Variants in UPK3B observed in about 807,000 individuals in gnomAD.
UPK3B encodes the protein uroplakin 3B.
In UPK3B, 21 loss-of-function variants were observed where a neutral mutation model predicts 27.6. That is an observed-to-expected ratio of 0.76 (90% CI 0.54 to 1.10). The LOEUF (loss-of-function observed/expected upper bound fraction) is 1.10. Among genes scored for constraint, UPK3B ranks in the 50% least tolerant of loss-of-function variants. UPK3B has a pLI of 0.00. For synonymous variants in UPK3B, 141 were observed against 162.3 expected, an observed-to-expected ratio of 0.87 and a Z score of 1.00; for missense variants, 306 against 376.1, an observed-to-expected ratio of 0.81 and a Z score of 1.54.
chr7:76,511,773 G>A lies in UPK3B; in HGVS notation c.352G>A (p.Asp118Asn), dbSNP rs567753113. 1.4e-5 allele frequency: 23 copies of A among 1,603,634 alleles called. No individual in the cohort carries two copies. The highest frequency in any genetic ancestry group is 2.0e-4 in the Middle Eastern group (1 of 4,946). ...PLSPDQLPCG[D>N]PMAGSGGAPV... ...GTCTCCGGACCAGCTGCCCTGTGGC[G>A]ACCCCATGGCGGGCAGCGGAGGCGC... The change falls in exon 3 of 6, where the codon GAC (aspartate) becomes AAC (asparagine). Residue 118 changes from aspartate (D) to asparagine (N), a missense_variant. Physicochemically the swap from Asp to Asn is conservative, Grantham distance 23. Transcript: ENST00000334348.
Position 76,510,758 on chromosome 7 carries a change from G to C in UPK3B, c.85+21G>C, listed in dbSNP as rs1481463633. 3 of 1,547,126 alleles carry C rather than the reference G, an allele frequency of 1.9e-6. No homozygotes were observed. The Admixed American group carries it at 5.7e-5, about 30-fold the overall frequency. On this transcript the variant is annotated intron_variant, in intron 1 of 5. Coordinates refer to ENST00000334348, the MANE Select transcript of UPK3B (RefSeq NM_001347684.2). ...CCTGGGTGAGTGGGGGTCCTGGATGGACGCGTCCAGCCAGACCCAAGGGGC... is the reference window on the plus strand; with the variant it reads ...CCTGGGTGAGTGGGGGTCCTGGATGCACGCGTCCAGCCAGACCCAAGGGGC...
At chr7:76,511,423 G>C in intron 2 of UPK3B, 1 of 931,150 alleles carries the variant, frequency 1.1e-6, no homozygotes, top group Non-Finnish European at 1.6e-6. Flanking sequence ...GGGCTGGGCA[G>C]GTTGGGACTG....
In UPK3B at chr7:76,516,433, G is replaced by T; in HGVS notation, c.*1229G>T. ...ACCTTCTAATGTGACCACGGCTCCC[G>T]GCATGCAGGCCCTGCCAGCGGAGGG... On this transcript the variant is annotated 3_prime_UTR_variant, in exon 6 of 6. Transcript: ENST00000334348. 2 of 612,180 alleles carry T rather than the reference G, an allele frequency of 3.3e-6. 1 individual carries two copies. Among genetic ancestry groups the T allele is most frequent in the Admixed American group, 2.0e-4 (2 of 9,994 alleles). 37.9% of individuals were successfully genotyped at this position (612,180 alleles called of 1,614,324 possible). A position where few individuals can be genotyped will look rare whatever the true frequency, so the allele number is the denominator to read the frequency against.
At position 76,511,827 on chromosome 7, in the gene UPK3B, G is replaced by A. The variant is rs1327578789; in HGVS notation, c.406G>A (p.Gly136Ser). ...CGTGCTGCGGGTGGGCCATGACCAC[G>A]GCTGCCACCAGCAGCCCTTCTGCAA... is the stretch of plus-strand genomic sequence containing the variant. ...APVLRVGHDHGCHQQPFCNAP... is the reference protein window; with the variant it reads ...APVLRVGHDHSCHQQPFCNAP... The change falls in exon 3 of 6, where the codon GGC becomes AGC. Residue 136 changes from glycine to serine, a missense_variant. Gly to Ser is a moderately conservative substitution (Grantham distance 56). Around this residue, in one of 4 missense-constraint regions of UPK3B, gnomAD observed 78 missense variants for 120.2 expected, o/e 0.65. Coordinates refer to ENST00000334348, the MANE Select transcript of UPK3B (RefSeq NM_001347684.2). 5.3e-6 allele frequency: 8 copies of A among 1,498,802 alleles called. No individual in the cohort carries two copies. The highest frequency in any genetic ancestry group is 4.9e-5 in the East Asian group (2 of 40,508). 92.8% of individuals were successfully genotyped at this position (1,498,802 alleles called of 1,614,324 possible).
intron 3 of UPK3B, among the ~76,000 whole-genome samples, chr7:76,512,882 G>A (rs1284611017): frequency 6.6e-6 from 1 of 152,184 alleles, no homozygotes; most frequent in African/African-American, 2.4e-5. Context: ...GGGGATGAGG[G>A]GTGGTGGCAC....
chr7:76,514,433 G>A (rs529845170), intron 5 of UPK3B, among the ~76,000 whole-genome samples: 36 of 152,278 alleles, frequency 2.4e-4, no homozygotes, highest in Non-Finnish European at 3.8e-4. Flanking sequence ...GGGAGGTCCC[G>A]CCTCACTCGG....
chr7:76,513,010 G>C, intron 3 of UPK3B, 74 bp from the exon 4 acceptor site: 1 of 1,310,694 alleles, frequency 7.6e-7, no homozygotes, highest in Non-Finnish European at 1.1e-6. Flanking sequence ...GGAGCTGCCT[G>C]GGGCTTGGCC....
At chr7:76,514,971 AGAGCAGGCCTT>A in intron 5 of UPK3B, 63 bp from the exon 6 acceptor site, 1 of 1,498,506 alleles carries the variant, frequency 6.7e-7, no homozygotes, top group Non-Finnish European at 9.0e-7. Flanking sequence ...GGGAGGGAGG[AGAGCAGGCCTT>A]GACCCAGCAC....
intron 5 of UPK3B, among the ~76,000 whole-genome samples, chr7:76,514,489 G>A (rs66906873): frequency 0.26 from 39,922 of 152,004 alleles, 5,828 homozygotes; most frequent in Middle Eastern, 0.47. Context: ...TTCTCCTCCC[G>A]GGCCTCACCT....
At position 76,513,148 on chromosome 7, in the gene UPK3B, A is replaced by G. The variant is rs1345054602; in HGVS notation, c.526A>G (p.Ile176Val). ...GGCTGAGACCAAGTGGTCAGACCCC[A>G]TCACTCTCCACCAAGGTAGCGCTGG... is the stretch of plus-strand genomic sequence containing the variant. The part of the protein sequence containing the change: ...PRAETKWSDP[I>V]TLHQGKTPGS... The change falls in exon 4 of 6, where the codon ATC becomes GTC. Residue 176 changes from isoleucine (I) to valine (V), a missense_variant. Ile to Val is a conservative substitution (Grantham distance 29). Around this residue, in one of 4 missense-constraint regions of UPK3B, gnomAD observed 174 missense variants for 166.6 expected, o/e 1.04. Coordinates refer to ENST00000334348, the MANE Select transcript of UPK3B (RefSeq NM_001347684.2). 13 of 1,613,676 alleles carry G rather than the reference A, an allele frequency of 8.1e-6. No individual in the cohort carries two copies. Among genetic ancestry groups the G allele is most frequent in the Non-Finnish European group, 1.1e-5 (13 of 1,179,880 alleles).
At chr7:76,512,984 A>G (rs1213786190) in intron 3 of UPK3B, 100 bp from the exon 4 acceptor site, 4 of 942,290 alleles carry the variant, frequency 4.2e-6, no homozygotes, top group Non-Finnish European at 6.6e-6. Context: ...CTCCACATCC[A>G]TGGGAGGGCC....
chr7:76,510,762 C>A, intron 1 of UPK3B, 25 bp downstream of exon 1: 1 of 1,557,042 alleles, frequency 6.4e-7, no homozygotes, highest in South Asian at 1.2e-5. Flanking sequence ...TGGATGGACG[C>A]GTCCAGCCAG....
Position 76,516,136 on chromosome 7 carries a change from C to T in UPK3B, c.*932C>T, listed in dbSNP as rs562728577. 26 of 611,730 alleles carry T rather than the reference C, an allele frequency of 4.3e-5. 9 individuals are homozygous for T. In the East Asian group the frequency reaches 3.6e-3, roughly 86 times the overall value. 37.9% of individuals were successfully genotyped at this position (611,730 alleles called of 1,614,324 possible). A position where few individuals can be genotyped will look rare whatever the true frequency, so the allele number is the denominator to read the frequency against. The stretch of plus-strand genomic sequence containing the variant: ...CCGGTGAGCCGCAGCCAGGCCGCCT[C>T]ACGGCCAGTGTGCATGCTCGCTGCT... On this transcript the variant is annotated 3_prime_UTR_variant, in exon 6 of 6. Transcript: ENST00000334348.
rs144609046 is a variant in UPK3B at position 76,510,998 on chromosome 7, G to A, written c.181G>A (p.Asp61Asn). Reference protein sequence around the residue: ...FSLEQPRCVFDGLASASDTVW... With the variant: ...FSLEQPRCVFNGLASASDTVW... ...CCTGGAGCAGCCGCGCTGTGTCTTC[G>A]ATGGGCTTGCCAGCGCCAGCGATAC... Residue 61 changes from aspartate (D) to asparagine (N), a missense_variant, in exon 2 of 6, where the codon GAT becomes AAT. This residue lies in a region of UPK3B where 21 missense variants were observed against 58.4 expected (regional missense o/e 0.36). Coordinates refer to ENST00000334348, the MANE Select transcript of UPK3B (RefSeq NM_001347684.2). 3,206 of 1,594,796 alleles carry A rather than the reference G, an allele frequency of 2.0e-3. 2 individuals are homozygous for A. Among genetic ancestry groups the A allele is most frequent in the Middle Eastern group, 2.5e-3 (12 of 4,742 alleles).
intron 5 of UPK3B, among the ~76,000 whole-genome samples, chr7:76,514,364 G>C (rs1812655992): frequency 6.6e-6 from 1 of 152,134 alleles, no homozygotes; most frequent in South Asian, 2.1e-4. Context: ...CTCCCACCCT[G>C]AGTATCTCGC....
intron 4 of UPK3B, 121 bp downstream of exon 4, chr7:76,513,284 C>G (rs887334446): frequency 3.2e-6 from 3 of 945,960 alleles, no homozygotes; most frequent in African/African-American, 3.3e-5. Flanking sequence ...ATGTCCAAGT[C>G]GGGCCCAGCC....
chr7:76,512,583 C>G (rs1283620222), intron 3 of UPK3B, among the ~76,000 whole-genome samples: 2 of 136,994 alleles, frequency 1.5e-5, no homozygotes, highest in African/African-American at 5.2e-5. Flanking sequence ...TTTTCAATGC[C>G]AACCTGCCAG....
At chr7:76,511,423 G>T in intron 2 of UPK3B, 1 of 931,150 alleles carries the variant, frequency 1.1e-6, no homozygotes, top group Non-Finnish European at 1.6e-6. Context: ...GGGCTGGGCA[G>T]GTTGGGACTG....
intron 4 of UPK3B, 80 bp from the exon 5 acceptor site, chr7:76,513,867 T>G (rs1812627089): frequency 8.8e-6 from 14 of 1,592,492 alleles, no homozygotes; most frequent in African/African-American, 1.4e-5. Context: ...CCAGCGTGGG[T>G]GGGGAGGGAG....
Sources: gnomAD v4.1 joint callset for allele counts (sites outside exome capture counted in the v4.1 genomes callset) on GRCh38, gnomAD v4.1.1 for gene constraint, gnomAD v4.1.1 regional missense constraint, MANE v1.5 for transcripts, NCBI Gene and HGNC (gene_info 2026-07-23, HGNC 2026-07-21) for gene names.